TMEM125: variants seen among roughly 807,000 people sequenced by gnomAD.
TMEM125 encodes the protein transmembrane protein 125.
A neutral mutation model predicts 8.7 loss-of-function variants in TMEM125; 11 were observed. The observed-to-expected ratio is 1.26, with a 90% CI of 0.79 to 2.08. The LOEUF is 2.08. Among genes scored for constraint, TMEM125 ranks in the 30% most tolerant of loss-of-function variants. The pLI, the probability that TMEM125 is intolerant of heterozygous loss-of-function variation, is 0.00. For missense variants in TMEM125, 270 were observed against 302.4 expected (o/e 0.89, Z 0.79); for synonymous variants, 144 against 146.1 (o/e 0.99, Z 0.10).
rs1041611607 is a variant in TMEM125, at chr1:43,271,378, C to T, written c.-302+585C>T. 3.3e-5 allele frequency among the ~76,000 whole-genome samples: 5 copies of T among 152,200 alleles called. No homozygotes were observed. Among genetic ancestry groups the T allele is most frequent in the Non-Finnish European group, 1.5e-5 (1 of 68,036 alleles). ...CTCCCCCAGACCCCTCTCCTGGGCT[C>T]TGCAGGGCTCTGGGCTGACTAACCC... On this transcript the variant is annotated intron_variant, in intron 2 of 3. Transcript: ENST00000439858. The surrounding 1 kb of genome is among the most constrained non-coding windows in gnomAD (Gnocchi z 4.9).
rs1392573413 is a variant in TMEM125, at chr1:43,271,889, G to A, written c.-301-295G>A. On this transcript the variant is annotated intron_variant, in intron 2 of 3. Coordinates refer to ENST00000439858, the MANE Select transcript of TMEM125 (RefSeq NM_144626.3). This position sits in a 1 kb window ranked among gnomAD's most constrained non-coding sequence, Gnocchi z 4.9. Reference sequence around the variant, plus strand: ...GAAGTGAGGAACGCAGAAGGAACAGGTTGGAGTAAGACAACGAGCTTGGGT... The same window carrying A: ...GAAGTGAGGAACGCAGAAGGAACAGATTGGAGTAAGACAACGAGCTTGGGT... Among the ~76,000 whole-genome samples, 1 of 152,222 alleles carries A rather than the reference G, an allele frequency of 6.6e-6. No homozygotes were observed. Among genetic ancestry groups the A allele is most frequent in the Non-Finnish European group, 1.5e-5 (1 of 68,042 alleles).
In TMEM125 at chr1:43,273,067, C is replaced by T. The variant is rs61736069; in HGVS notation, c.345C>T (p.Leu115=). ...GCAGTGGTGGAGGGGCCGACGCCCT[C>T]GTGGTGCTGCTCAGTGGCCTCGTGC... is the stretch of plus-strand genomic sequence containing the variant. ...LLRSGGGADA[L]VVLLSGLVLL... The change falls in exon 4 of 4, where the codon CTC becomes CTT. Residue 115 remains leucine (L), a synonymous_variant. Transcript: ENST00000439858. The T allele has an allele frequency of 2.1e-3, 3,439 of 1,610,336 alleles. 49 individuals are homozygous for T. In the African/African-American group the frequency reaches 0.035, roughly 16 times the overall value.
Position 43,271,907 on chromosome 1 carries a change from G to A in TMEM125, c.-301-277G>A, listed in dbSNP as rs575329598. ...GGAACAGGTTGGAGTAAGACAACGAGCTTGGGTTGGGACCTGTTGCATCAC... is the reference window on the plus strand; with the variant it reads ...GGAACAGGTTGGAGTAAGACAACGAACTTGGGTTGGGACCTGTTGCATCAC... On this transcript the variant is annotated intron_variant, in intron 2 of 3. Transcript: ENST00000439858. The surrounding 1 kb of genome is among the most constrained non-coding windows in gnomAD (Gnocchi z 4.9). Among the ~76,000 whole-genome samples the A allele has an allele frequency of 6.6e-6, 1 of 152,316 alleles. No homozygotes were observed. Among genetic ancestry groups the A allele is most frequent in the South Asian group, 2.1e-4 (1 of 4,828 alleles).
At position 43,273,160 on chromosome 1, in the gene TMEM125, C is replaced by T; in HGVS notation, c.438C>T (p.Ala146=). ...AAPAPARPLA[A]MLSVGIALAA... Reference sequence around the variant, plus strand: ...CTGCCCCTGCTCGGCCGCTGGCCGCCATGCTGTCTGTGGGCATTGCTCTGG... The same window carrying T: ...CTGCCCCTGCTCGGCCGCTGGCCGCTATGCTGTCTGTGGGCATTGCTCTGG... Residue 146 remains alanine (A), a synonymous_variant, in exon 4 of 4, where the codon GCC becomes GCT. Transcript: ENST00000439858. The T allele has an allele frequency of 6.2e-7, 1 of 1,613,856 alleles. No homozygotes were observed. The highest frequency in any genetic ancestry group is 8.5e-7 in the Non-Finnish European group (1 of 1,179,906).
In TMEM125 at chr1:43,273,855, G is replaced by A. The variant is rs1165841260; in HGVS notation, c.*473G>A. 3 of 176,744 alleles carry A rather than the reference G, an allele frequency of 1.7e-5. No individual in the cohort carries two copies. The highest frequency in any genetic ancestry group is 4.0e-5 in the Non-Finnish European group (3 of 74,124). The allele number at this position is 176,744 out of a possible 1,614,324, so 10.9% of individuals were successfully genotyped here. On this transcript the variant is annotated 3_prime_UTR_variant, in exon 4 of 4. Coordinates refer to ENST00000439858, the MANE Select transcript of TMEM125 (RefSeq NM_144626.3). ...AGACAGACCTGGAGGGGACTCTCCCGTTGAGCACTAGCAGCTGGAGGAGTT... is the reference window on the plus strand; with the variant it reads ...AGACAGACCTGGAGGGGACTCTCCCATTGAGCACTAGCAGCTGGAGGAGTT...
In TMEM125 at chr1:43,272,527, C is replaced by T. The variant is rs1277713542; in HGVS notation, c.-145-51C>T. ...CATCCCCAAGGCTCCCAGGTGGGAC[C>T]GTGGGGGACAGGTGGGCTGGGAAGG... is the stretch of plus-strand genomic sequence containing the variant. On this transcript the variant is annotated intron_variant, in intron 3 of 3. Coordinates refer to ENST00000439858, the MANE Select transcript of TMEM125 (RefSeq NM_144626.3). This position sits in a 1 kb window ranked among gnomAD's most constrained non-coding sequence, Gnocchi z 5.0. 1.4e-5 allele frequency: 7 copies of T among 484,794 alleles called. No homozygotes were observed. The highest frequency in any genetic ancestry group is 5.7e-5 in the South Asian group (1 of 17,520). 30.0% of individuals were successfully genotyped at this position (484,794 alleles called of 1,614,324 possible). A position where few individuals can be genotyped will look rare whatever the true frequency, so the allele number is the denominator to read the frequency against.
chr1:43,273,147 G>A lies in TMEM125; in HGVS notation c.425G>A (p.Arg142Gln), dbSNP rs771917642. 2.2e-5 allele frequency: 35 copies of A among 1,612,702 alleles called. No homozygotes were observed. Among genetic ancestry groups the A allele is most frequent in the Middle Eastern group, 1.6e-4 (1 of 6,064 alleles). Residue 142 changes from arginine (R) to glutamine (Q), a missense_variant, in exon 4 of 4, where the codon CGG becomes CAG. This residue lies in a region of TMEM125 where 215 missense variants were observed against 216.5 expected (regional missense o/e 0.99). Coordinates refer to ENST00000439858, the MANE Select transcript of TMEM125 (RefSeq NM_144626.3). Reference protein sequence around the residue: ...AGLAAAPAPARPLAAMLSVGI... With the variant: ...AGLAAAPAPAQPLAAMLSVGI... ...CTGGCCGCCGCCCCTGCCCCTGCTCGGCCGCTGGCCGCCATGCTGTCTGTG... is the reference window on the plus strand; with the variant it reads ...CTGGCCGCCGCCCCTGCCCCTGCTCAGCCGCTGGCCGCCATGCTGTCTGTG...
Position 43,273,107 on chromosome 1 carries a change from C to G in TMEM125, c.385C>G (p.Leu129Val). 3 of 1,610,370 alleles carry G rather than the reference C, an allele frequency of 1.9e-6. No homozygotes were observed. The highest frequency in any genetic ancestry group is 2.5e-6 in the Non-Finnish European group (3 of 1,178,072). The change falls in exon 4 of 4, where the codon CTG becomes GTG. Residue 129 changes from leucine (L) to valine (V), a missense_variant. Transcript: ENST00000439858. ...TGGCCTCGTGCTGCTGGTCACCGGCCTGACCCTGGCCGGGCTGGCCGCCGC... is the reference window on the plus strand; with the variant it reads ...TGGCCTCGTGCTGCTGGTCACCGGCGTGACCCTGGCCGGGCTGGCCGCCGC... The part of the protein sequence containing the change: ...LSGLVLLVTG[L>V]TLAGLAAAPA...
chr1:43,272,696 C>T lies in TMEM125; in HGVS notation c.-27C>T, dbSNP rs1463663768. ...CCCTCTGACCCCTGACATTGACCTC[C>T]TACCCTGACCCCTGCCTGACCAAGC... On this transcript the variant is annotated 5_prime_UTR_variant, in exon 4 of 4. Coordinates refer to ENST00000439858, the MANE Select transcript of TMEM125 (RefSeq NM_144626.3). This position sits in a 1 kb window ranked among gnomAD's most constrained non-coding sequence, Gnocchi z 5.0. The T allele has an allele frequency of 1.4e-6, 2 of 1,477,546 alleles. No individual in the cohort carries two copies. The highest frequency in any genetic ancestry group is 1.8e-6 in the Non-Finnish European group (2 of 1,118,136). The allele number at this position is 1,477,546 out of a possible 1,614,324, so 91.5% of individuals were successfully genotyped here.
At position 43,272,815 on chromosome 1, in the gene TMEM125, G is replaced by A. The variant is rs377454245; in HGVS notation, c.93G>A (p.Pro31=). Residue 31 remains proline (P), a synonymous_variant, in exon 4 of 4, where the codon CCG becomes CCA. Transcript: ENST00000439858. This position sits in a 1 kb window ranked among gnomAD's most constrained non-coding sequence, Gnocchi z 5.0. ...TGGAGCTGTGGTGGTCCCAGCAGCC[G>A]CGGCGCTCGGCGCTCTGCTTCGTCG... ...EQVELWWSQQ[P]RRSALCFVVA... is the part of the protein sequence containing the mutation. 1.4e-4 allele frequency: 225 copies of A among 1,565,892 alleles called. 1 individual carries two copies. In the African/African-American group the frequency reaches 2.0e-3, roughly 14 times the overall value.
chr1:43,270,355 G>T (rs1339902131), intron 1 of TMEM125, among the ~76,000 whole-genome samples: 1 of 151,824 alleles, frequency 6.6e-6, no homozygotes, highest in Non-Finnish European at 1.5e-5. Flanking sequence ...GAGATGTGAC[G>T]CAGGAGCTGG....
In TMEM125 at chr1:43,273,118, C is replaced by T. The variant is rs768006840; in HGVS notation, c.396C>T (p.Ala132=). 1.3e-5 allele frequency: 21 copies of T among 1,610,312 alleles called. No homozygotes were observed. The highest frequency in any genetic ancestry group is 5.3e-5 in the African/African-American group (4 of 74,860). ...TGCTGGTCACCGGCCTGACCCTGGC[C>T]GGGCTGGCCGCCGCCCCTGCCCCTG... ...LVLLVTGLTL[A]GLAAAPAPAR... Residue 132 remains alanine (A), a synonymous_variant, in exon 4 of 4, where the codon GCC becomes GCT. Transcript: ENST00000439858.
chr1:43,272,540 T>C lies in TMEM125; in HGVS notation c.-145-38T>C. ...CCCAGGTGGGACCGTGGGGGACAGG[T>C]GGGCTGGGAAGGTAAGACTGTGATC... On this transcript the variant is annotated intron_variant, in intron 3 of 3. Transcript: ENST00000439858. The surrounding 1 kb of genome is among the most constrained non-coding windows in gnomAD (Gnocchi z 5.0). The C allele has an allele frequency of 2.0e-6, 1 of 506,362 alleles. No homozygotes were observed. Among genetic ancestry groups the C allele is most frequent in the Non-Finnish European group, 3.3e-6 (1 of 303,938 alleles). The allele number at this position is 506,362 out of a possible 1,614,324, so 31.4% of individuals were successfully genotyped here.
At position 43,271,558 on chromosome 1, in the gene TMEM125, T is replaced by C. The variant is rs1240139403; in HGVS notation, c.-301-626T>C. The stretch of plus-strand genomic sequence containing the variant: ...GAGGACAGGTTAAATCAGCAGCCAC[T>C]GTTAGGTGCCTGGCCATGTTCCTAC... On this transcript the variant is annotated intron_variant, in intron 2 of 3. Coordinates refer to ENST00000439858, the MANE Select transcript of TMEM125 (RefSeq NM_144626.3). This position sits in a 1 kb window ranked among gnomAD's most constrained non-coding sequence, Gnocchi z 4.9. Among the ~76,000 whole-genome samples the C allele has an allele frequency of 2.0e-5, 3 of 152,210 alleles. No individual in the cohort carries two copies. Among genetic ancestry groups the C allele is most frequent in the African/African-American group, 7.2e-5 (3 of 41,450 alleles).
rs763453111 is a variant in TMEM125, at chr1:43,273,101, A to T, written c.379A>T (p.Thr127Ser). Reference protein sequence around the residue: ...VLLSGLVLLVTGLTLAGLAAA... With the variant: ...VLLSGLVLLVSGLTLAGLAAA... ...GCTCAGTGGCCTCGTGCTGCTGGTC[A>T]CCGGCCTGACCCTGGCCGGGCTGGC... Residue 127 changes from threonine (T) to serine (S), a missense_variant, in exon 4 of 4, where the codon ACC becomes TCC. Physicochemically the swap from Thr to Ser is moderately conservative, Grantham distance 58. Transcript: ENST00000439858. The T allele has an allele frequency of 1.2e-6, 2 of 1,609,734 alleles. No individual in the cohort carries two copies. The highest frequency in any genetic ancestry group is 1.7e-5 in the Admixed American group (1 of 59,584).
At position 43,272,149 on chromosome 1, in the gene TMEM125, G is replaced by A; in HGVS notation, c.-301-35G>A. The A allele has an allele frequency of 6.6e-6, 1 of 152,372 alleles. No homozygotes were observed. Among genetic ancestry groups the A allele is most frequent in the South Asian group, 2.1e-4 (1 of 4,816 alleles). The allele number at this position is 152,372 out of a possible 1,614,324, so 9.4% of individuals were successfully genotyped here. A position where few individuals can be genotyped will look rare whatever the true frequency, so the allele number is the denominator to read the frequency against. On this transcript the variant is annotated intron_variant, in intron 2 of 3. Transcript: ENST00000439858. This position sits in a 1 kb window ranked among gnomAD's most constrained non-coding sequence, Gnocchi z 5.0. The stretch of plus-strand genomic sequence containing the variant: ...GTCAGTCAGGCTTCTGGTTCCAGAA[G>A]GGTTAAGTCATAAGCGCCCCCTCCA...
chr1:43,271,683 C>T lies in TMEM125; in HGVS notation c.-301-501C>T, dbSNP rs1490178447. ...GGAGGAGGATGGCATGGGGGAATGG[C>T]GAGTGTGGAGAAGAGCAAGGGGAGC... On this transcript the variant is annotated intron_variant, in intron 2 of 3. Coordinates refer to ENST00000439858, the MANE Select transcript of TMEM125 (RefSeq NM_144626.3). The surrounding 1 kb of genome is among the most constrained non-coding windows in gnomAD (Gnocchi z 4.9). 1.3e-5 allele frequency among the ~76,000 whole-genome samples: 2 copies of T among 152,130 alleles called. No individual in the cohort carries two copies. The highest frequency in any genetic ancestry group is 6.6e-5 in the Admixed American group (1 of 15,266).
rs1646493448 is a variant in TMEM125, at chr1:43,271,878, AGAAG to A, written c.-301-302_-301-299del. Among the ~76,000 whole-genome samples, 1 of 152,224 alleles carries A rather than the reference AGAAG, an allele frequency of 6.6e-6. No homozygotes were observed. Among genetic ancestry groups the A allele is most frequent in the Non-Finnish European group, 1.5e-5 (1 of 68,044 alleles). On this transcript the variant is annotated intron_variant, in intron 2 of 3. Transcript: ENST00000439858. The surrounding 1 kb of genome is among the most constrained non-coding windows in gnomAD (Gnocchi z 4.9). ...ATGCCATGCCTGAAGTGAGGAACGC[AGAAG>A]GAACAGGTTGGAGTAAGACAACGAG...
rs148840172 is a variant in TMEM125 at position 43,273,080 on chromosome 1, A to G, written c.358A>G (p.Ser120Gly). The G allele has an allele frequency of 2.3e-4, 363 of 1,610,092 alleles. 4 individuals are homozygous for G. In the African/African-American group the frequency reaches 4.1e-3, roughly 18 times the overall value. Residue 120 changes from serine (S) to glycine (G), a missense_variant, in exon 4 of 4, where the codon AGT becomes GGT. Coordinates refer to ENST00000439858, the MANE Select transcript of TMEM125 (RefSeq NM_144626.3). ...GGCCGACGCCCTCGTGGTGCTGCTC[A>G]GTGGCCTCGTGCTGCTGGTCACCGG... ...GGADALVVLL[S>G]GLVLLVTGLT...
Sources: allele counts gnomAD v4.1 joint callset (sites outside exome capture counted in the v4.1 genomes callset), GRCh38; gene constraint gnomAD v4.1.1; regional missense constraint gnomAD v4.1.1; non-coding constraint Gnocchi (gnomAD v3.1); transcripts MANE v1.5; gene names NCBI Gene and HGNC (gene_info 2026-07-23, HGNC 2026-07-21).